The following NR3C2 variants were observed in gnomAD, a reference collection of about 807,000 sequenced individuals.
NR3C2 encodes nuclear receptor subfamily 3 group C member 2.
In NR3C2, 15 loss-of-function variants were observed where a neutral mutation model predicts 86.4. The observed-to-expected ratio is 0.17, with a 90% confidence interval of 0.12 to 0.27. The LOEUF (loss-of-function observed/expected upper bound fraction) is 0.27, where lower values mean the gene tolerates loss of function less well. NR3C2 is among the 10% of genes least tolerant of loss of function. The pLI is 1.00. For synonymous variants in NR3C2, 458 were observed against 450.5 expected, an observed-to-expected ratio of 1.02 and a Z score of -0.21; for missense variants, 960 against 1,195.6, an observed-to-expected ratio of 0.80 and a Z score of 2.91.
chr4:148,345,278 A>T (rs937430025), intron 2 of NR3C2, among the ~76,000 whole-genome samples: 1 of 152,118 alleles, frequency 6.6e-6, no homozygotes, highest in African/African-American at 2.4e-5. Context: ...GAGACAATAC[A>T]TATACACACG....
At chr4:148,289,579 G>A (rs978335901) in intron 2 of NR3C2, among the ~76,000 whole-genome samples, 4 of 152,086 alleles carry the variant, frequency 2.6e-5, no homozygotes, top group Non-Finnish European at 5.9e-5. Context: ...AATAGATGGT[G>A]TCCTAGTCTG....
chr4:148,233,481 T>C (rs1243410481), intron 3 of NR3C2, among the ~76,000 whole-genome samples: 3 of 151,720 alleles, frequency 2.0e-5, no homozygotes, highest in Non-Finnish European at 2.9e-5. Context: ...ACACTTCAGC[T>C]TCCTGAGTAG....
At position 148,187,105 on chromosome 4, in the gene NR3C2, C is replaced by T. The variant is rs566742400; in HGVS notation, c.2014+7641G>A. Among the ~76,000 whole-genome samples the T allele has an allele frequency of 4.6e-3, 649 of 141,860 alleles. 8 individuals are homozygous for T. Among genetic ancestry groups the T allele is most frequent in the African/African-American group, 0.016 (629 of 38,552 alleles). 93.1% of individuals were successfully genotyped at this position (141,860 alleles called of 152,430 possible). A position where few individuals can be genotyped will look rare whatever the true frequency, so the allele number is the denominator to read the frequency against. On this transcript the variant is annotated intron_variant, in intron 4 of 8. Transcript: ENST00000358102. Reference sequence around the variant, plus strand: ...ATGTATATATCACAGTTTCTTTATCCACTTGTTGATTGATGGGCATTTGGG... The same window carrying T: ...ATGTATATATCACAGTTTCTTTATCTACTTGTTGATTGATGGGCATTTGGG...
chr4:148,292,760 G>C (rs1010481665), intron 2 of NR3C2, among the ~76,000 whole-genome samples: 1 of 152,120 alleles, frequency 6.6e-6, no homozygotes, highest in African/African-American at 2.4e-5. Context: ...ACCTGTCAAA[G>C]ATCTTTGGAC....
intron 8 of NR3C2, among the ~76,000 whole-genome samples, chr4:148,093,291 C>G (rs1235917237): frequency 6.6e-6 from 1 of 152,216 alleles, no homozygotes; most frequent in African/African-American, 2.4e-5. Context: ...AGCGGCCACT[C>G]CCCGCTCTCC....
chr4:148,127,119 G>T (rs879256698), intron 6 of NR3C2, among the ~76,000 whole-genome samples: 4 of 151,990 alleles, frequency 2.6e-5, no homozygotes, highest in African/African-American at 7.3e-5. Context: ...GCATGAAATC[G>T]AATTCTCTAA....
chr4:148,409,128 C>T (rs868773884), intron 2 of NR3C2, among the ~76,000 whole-genome samples: 1 of 152,142 alleles, frequency 6.6e-6, no homozygotes. Context: ...AGAAACAAGG[C>T]TCCTAGCATA....
At chr4:148,142,095 G>C in intron 6 of NR3C2, among the ~76,000 whole-genome samples, 1 of 152,168 alleles carries the variant, frequency 6.6e-6, no homozygotes, top group East Asian at 1.9e-4. Flanking sequence ...GAAAGAGAAA[G>C]GTTAATTTGG....
At chr4:148,143,494 T>C (rs915651946) in intron 6 of NR3C2, among the ~76,000 whole-genome samples, 1 of 152,238 alleles carries the variant, frequency 6.6e-6, no homozygotes, top group Non-Finnish European at 1.5e-5. Context: ...GGAATCTTGT[T>C]TTATTTACTG....
At chr4:148,147,969 G>A (rs1484533117) in intron 6 of NR3C2, among the ~76,000 whole-genome samples, 3 of 151,468 alleles carry the variant, frequency 2.0e-5, no homozygotes, top group Admixed American at 6.6e-5. Context: ...TCCATGTGAC[G>A]ACATTTGTCC....
At chr4:148,220,661 T>C (rs1437222108) in intron 3 of NR3C2, among the ~76,000 whole-genome samples, 1 of 152,064 alleles carries the variant, frequency 6.6e-6, no homozygotes, top group Non-Finnish European at 1.5e-5. Flanking sequence ...ATTAGCCAGG[T>C]GATGTGCATC....
chr4:148,172,080 GTT>G (rs1735154731), intron 4 of NR3C2, among the ~76,000 whole-genome samples: 1 of 151,366 alleles, frequency 6.6e-6, no homozygotes, highest in East Asian at 1.9e-4. Flanking sequence ...TTCATTCTTG[GTT>G]TTCTTTTCTT....
At chr4:148,215,746 T>C (rs949817369) in intron 3 of NR3C2, among the ~76,000 whole-genome samples, 6 of 151,658 alleles carry the variant, frequency 4.0e-5, no homozygotes, top group African/African-American at 1.5e-4. Context: ...CCAAAGGGGT[T>C]AAATAGTAAA....
chr4:148,256,438 T>C (rs1739837086), intron 3 of NR3C2, among the ~76,000 whole-genome samples: 1 of 152,226 alleles, frequency 6.6e-6, no homozygotes, highest in Admixed American at 6.5e-5. Context: ...TCTAGTATTT[T>C]GGTGCTACTT....
intron 4 of NR3C2, among the ~76,000 whole-genome samples, chr4:148,172,916 C>A (rs901671328): frequency 6.6e-6 from 1 of 152,170 alleles, no homozygotes; most frequent in African/African-American, 2.4e-5. Context: ...AAATTATAAA[C>A]ATATATAACA....
chr4:148,219,476 T>C (rs570566651), intron 3 of NR3C2, among the ~76,000 whole-genome samples: 3 of 152,324 alleles, frequency 2.0e-5, no homozygotes, highest in South Asian at 2.1e-4. Flanking sequence ...GGGACTGTTA[T>C]GGGGGTTCAA....
At position 148,319,640 on chromosome 4, in the gene NR3C2, T is replaced by C. The variant is rs56987252; in HGVS notation, c.1758-59523A>G. Among the ~76,000 whole-genome samples, 21 of 150,618 alleles carry C rather than the reference T, an allele frequency of 1.4e-4. No individual in the cohort carries two copies. The East Asian group carries it at 3.7e-3, about 27-fold the overall frequency. ...AGGTATTTTATTCTCTTTGAAGCAA[T>C]TGTGAATGGGAGTTCACTCATGATT... On this transcript the variant is annotated intron_variant, in intron 2 of 8. Transcript: ENST00000358102.
At chr4:148,305,503 G>C (rs954411391) in intron 2 of NR3C2, among the ~76,000 whole-genome samples, 11 of 145,882 alleles carry the variant, frequency 7.5e-5, no homozygotes, top group Admixed American at 5.6e-4. Context: ...AACTAATAGA[G>C]TCCACCGGAT....
intron 2 of NR3C2, among the ~76,000 whole-genome samples, chr4:148,353,485 CA>C (rs1261214528): frequency 3.3e-5 from 5 of 151,912 alleles, no homozygotes; most frequent in African/African-American, 4.8e-5. Flanking sequence ...GAATATATAA[CA>C]CTGGAAAATG....
Sources: allele counts gnomAD v4.1 joint callset (sites outside exome capture counted in the v4.1 genomes callset), GRCh38; gene constraint gnomAD v4.1.1; transcripts MANE v1.5; gene names NCBI Gene and HGNC (gene_info 2026-07-23, HGNC 2026-07-21).